CCDC102B: variants seen among roughly 807,000 people sequenced by gnomAD.
CCDC102B encodes coiled-coil domain containing 102B.
In CCDC102B, 75 loss-of-function variants were observed where a neutral mutation model predicts 57.4. The observed-to-expected ratio is 1.31, with a 90% CI of 1.08 to 1.58. The LOEUF is 1.58. Among genes scored for constraint, CCDC102B ranks in the 40% most tolerant of loss-of-function variants. The pLI, the probability that CCDC102B is intolerant of heterozygous loss-of-function variation, is 0.00. For synonymous variants in CCDC102B, 206 were observed against 201.9 expected (o/e 1.02, Z -0.17); for missense variants, 636 against 582.6 (o/e 1.09, Z -0.94).
At chr18:68,877,126 A>G (rs992660543) in intron 5 of CCDC102B, among the ~76,000 whole-genome samples, 2 of 152,182 alleles carry the variant, frequency 1.3e-5, no homozygotes, top group Non-Finnish European at 2.9e-5. Context: ...AGGTCTTCTG[A>G]AAAGATTTCT....
chr18:68,752,209 A>G (rs2033879164), intron 2 of CCDC102B, among the ~76,000 whole-genome samples: 1 of 152,056 alleles, frequency 6.6e-6, no homozygotes, highest in African/African-American at 2.4e-5. Flanking sequence ...GCAGTGAGCC[A>G]AGATCGCGCC....
intron 6 of CCDC102B, among the ~76,000 whole-genome samples, chr18:68,903,551 G>A (rs1271331968): frequency 1.3e-5 from 2 of 152,108 alleles, no homozygotes; most frequent in African/African-American, 4.8e-5. Context: ...TATCTATAGT[G>A]TAAATACTGA....
chr18:69,032,523 C>T (rs2052175604), intron 7 of CCDC102B, among the ~76,000 whole-genome samples: 1 of 152,186 alleles, frequency 6.6e-6, no homozygotes, highest in Non-Finnish European at 1.5e-5. Context: ...TTGTGAGGTA[C>T]TGGTTATAAA....
At chr18:68,998,993 TATATATAGAGAGAG>T (rs796998127) in intron 6 of CCDC102B, among the ~76,000 whole-genome samples, 9,958 of 52,964 alleles carry the variant, frequency 0.19, 248 homozygotes, top group South Asian at 0.27. Context: ...TATATATATA[TATATATAGAGAGAG>T]AGAGAGAGAG....
At chr18:68,787,698 G>A (rs1183477701) in intron 2 of CCDC102B, among the ~76,000 whole-genome samples, 224 of 146,276 alleles carry the variant, frequency 1.5e-3, no homozygotes, top group African/African-American at 5.5e-3. Flanking sequence ...TTTTTATTGC[G>A]TCTATTTGAT....
chr18:68,774,915 ATAT>A (rs1364859337), intron 2 of CCDC102B, among the ~76,000 whole-genome samples: 5 of 151,472 alleles, frequency 3.3e-5, no homozygotes, highest in African/African-American at 1.2e-4. Flanking sequence ...TTCATTTGAA[ATAT>A]TATAGTTTTT....
chr18:69,010,955 G>C lies in CCDC102B; in HGVS notation c.1285G>C (p.Ala429Pro), dbSNP rs9963788. The part of the protein sequence containing the change: ...KNQELLNLQH[A>P]YYKLNRQYQA... ...AAAGGAATTACTGAACCTTCAACAT[G>C]CCTACTATAAACTAAACAGACAATA... The change falls in exon 7 of 8, where the codon GCC becomes CCC. Residue 429 changes from alanine to proline, a missense_variant. Ala to Pro is a conservative substitution (Grantham distance 27, BLOSUM62 -1). Transcript: ENST00000360242. 0.011 allele frequency: 18,100 copies of C among 1,599,156 alleles called. 1,736 individuals are homozygous for C. The African/African-American group carries it at 0.21, about 18-fold the overall frequency.
intron 7 of CCDC102B, among the ~76,000 whole-genome samples, chr18:69,041,217 G>A (rs532457407): frequency 3.3e-5 from 5 of 152,152 alleles, no homozygotes; most frequent in Middle Eastern, 3.4e-3. Context: ...CCTACTTTTA[G>A]TACACAGCAG....
chr18:68,923,673 A>AATG (rs764382906), intron 6 of CCDC102B, among the ~76,000 whole-genome samples: 42 of 152,186 alleles, frequency 2.8e-4, no homozygotes, highest in Middle Eastern at 3.4e-3. Flanking sequence ...TTGTTTGAAT[A>AATG]TTGCCTTCCT....
chr18:69,010,164 C>T (rs2116269), intron 6 of CCDC102B, among the ~76,000 whole-genome samples: 1 of 140,690 alleles, frequency 7.1e-6, no homozygotes, highest in African/African-American at 2.6e-5. Flanking sequence ...GGATGGTCTC[C>T]ATCTTCTGAC....
intron 7 of CCDC102B, among the ~76,000 whole-genome samples, 159 bp from the exon 8 acceptor site, chr18:69,053,871 A>T (rs968560402): frequency 3.3e-5 from 5 of 151,976 alleles, no homozygotes; most frequent in Non-Finnish European, 7.4e-5. Context: ...TACTTAATAT[A>T]TGTACTATTT....
At chr18:68,789,185 C>T (rs2035332900) in intron 2 of CCDC102B, among the ~76,000 whole-genome samples, 2 of 152,290 alleles carry the variant, frequency 1.3e-5, no homozygotes, top group African/African-American at 4.8e-5. Context: ...TGTAGCGTTT[C>T]TGCCGAGAGA....
At chr18:68,777,626 GA>G (rs1317897393) in intron 2 of CCDC102B, among the ~76,000 whole-genome samples, 1 of 152,076 alleles carries the variant, frequency 6.6e-6, no homozygotes, top group East Asian at 1.9e-4. Context: ...TATGCTTGCA[GA>G]AAAAGAAACT....
At chr18:68,871,647 T>C (rs528848493) in intron 4 of CCDC102B, among the ~76,000 whole-genome samples, 1 of 152,122 alleles carries the variant, frequency 6.6e-6, no homozygotes, top group African/African-American at 2.4e-5. Flanking sequence ...TTTATTTATT[T>C]TTTTACTCCT....
Position 68,978,852 on chromosome 18 carries a change from T to C in CCDC102B, c.1264-32082T>C, listed in dbSNP as rs556054596. ...GCATAAACATTTATAAACAAAAATG[T>C]CATTAATGTATTTGTAATATATGTC... On this transcript the variant is annotated intron_variant, in intron 6 of 7. Transcript: ENST00000360242. 3.3e-5 allele frequency among the ~76,000 whole-genome samples: 5 copies of C among 152,172 alleles called. No homozygotes were observed. The South Asian group carries it at 1.0e-3, about 32-fold the overall frequency.
At chr18:68,722,534 C>T (rs309239) in intron 2 of CCDC102B, among the ~76,000 whole-genome samples, 16,518 of 152,104 alleles carry the variant, frequency 0.11, 2,343 homozygotes, top group African/African-American at 0.32. Context: ...CTTCCTCCTA[C>T]CAGACTTCAA....
At chr18:68,782,484 T>C (rs1440044355) in intron 2 of CCDC102B, among the ~76,000 whole-genome samples, 3 of 152,182 alleles carry the variant, frequency 2.0e-5, no homozygotes, top group African/African-American at 7.2e-5. Context: ...TATTAGTGCT[T>C]TATTTAATTA....
chr18:68,997,867 A>G (rs1044614314), intron 6 of CCDC102B, among the ~76,000 whole-genome samples: 1 of 150,876 alleles, frequency 6.6e-6, no homozygotes. Context: ...TTTTTTTGGC[A>G]TTTTCGCATT....
At chr18:68,782,424 T>C (rs1447709120) in intron 2 of CCDC102B, among the ~76,000 whole-genome samples, 1 of 152,130 alleles carries the variant, frequency 6.6e-6, no homozygotes, top group African/African-American at 2.4e-5. Flanking sequence ...TCAAAGGTTT[T>C]TGAAGTCAAT....
Sources: allele counts gnomAD v4.1 joint callset (sites outside exome capture counted in the v4.1 genomes callset), GRCh38; gene constraint gnomAD v4.1.1; transcripts MANE v1.5; gene names NCBI Gene and HGNC (gene_info 2026-07-23, HGNC 2026-07-21).